RPGR: variants seen among roughly 807,000 people sequenced by gnomAD.
The protein encoded by RPGR is retinitis pigmentosa GTPase regulator.
A neutral mutation model predicts 56.3 loss-of-function variants in RPGR; 10 were observed. The ratio of observed to expected loss-of-function variants is 0.18; its 90% CI spans 0.11 to 0.30. RPGR has a LOEUF of 0.30. Among genes scored for constraint, RPGR ranks in the 10% least tolerant of loss-of-function variants. The pLI, the probability that RPGR is intolerant of heterozygous loss-of-function variation, is 1.00. For missense variants in RPGR, 538 were observed against 590.9 expected (o/e 0.91, Z 0.93); for synonymous variants, 197 against 212.9 (o/e 0.93, Z 0.65).
intron 13 of RPGR, among the ~76,000 whole-genome samples, 197 bp downstream of exon 13, chrX:38,290,762 C>T (rs985865248): frequency 9.0e-6 from 1 of 110,935 alleles, no homozygotes; most frequent in Non-Finnish European, 1.9e-5. Context: ...TAAAATGCTT[C>T]CACTCTTGTT....
At chrX:38,283,890 G>A (rs1427317171) in intron 15 of RPGR, among the ~76,000 whole-genome samples, 2 of 111,167 alleles carry the variant, frequency 1.8e-5, no homozygotes, top group Non-Finnish European at 1.9e-5. Flanking sequence ...AAATAATCAT[G>A]TTCGGCACAT....
chrX:38,278,443 G>T (rs1336587072), intron 15 of RPGR, among the ~76,000 whole-genome samples: 1 of 112,126 alleles, frequency 8.9e-6, no homozygotes, highest in Non-Finnish European at 1.9e-5. Flanking sequence ...GTTTCGCCAT[G>T]TTGGCCAGGC....
chrX:38,282,896 A>G (rs1204053990), intron 15 of RPGR, among the ~76,000 whole-genome samples: 1 of 111,091 alleles, frequency 9.0e-6, no homozygotes, highest in Non-Finnish European at 1.9e-5. Flanking sequence ...TGGATTCTAT[A>G]TATACTACTC....
intron 11 of RPGR, among the ~76,000 whole-genome samples, chrX:38,295,155 C>T (rs1021585339): frequency 2.7e-5 from 3 of 112,162 alleles, no homozygotes; most frequent in African/African-American, 9.7e-5. Context: ...CTTTCCCTCA[C>T]TTTCTAGCCC....
At chrX:38,315,801 C>T (rs2067811354) in intron 6 of RPGR, among the ~76,000 whole-genome samples, 1 of 100,126 alleles carries the variant, frequency 1.0e-5, no homozygotes, top group African/African-American at 3.8e-5. Flanking sequence ...AAAAACATCT[C>T]AGGTATTCCA....
chrX:38,319,763 C>A (rs1159753000), intron 4 of RPGR, among the ~76,000 whole-genome samples: 1 of 112,120 alleles, frequency 8.9e-6, no homozygotes, highest in Non-Finnish European at 1.9e-5. Context: ...ATAAAAAGTA[C>A]ATCATGCCTA....
At chrX:38,310,835 C>A in intron 6 of RPGR, 62 bp from the exon 7 acceptor site, 1 of 1,110,936 alleles carries the variant, frequency 9.0e-7, no homozygotes, top group Non-Finnish European at 1.2e-6. Context: ...GCTGGTCTTA[C>A]CGTCAAAAAA....
In RPGR at chrX:38,287,131, G is replaced by A. The variant is rs140467410; in HGVS notation, c.1868C>T (p.Thr623Ile). 5.0e-6 allele frequency: 6 copies of A among 1,208,446 alleles called. No homozygotes were observed. Among genetic ancestry groups the A allele is most frequent in the Non-Finnish European group, 6.7e-6 (6 of 894,966 alleles). The change falls in exon 15 of 19, where the codon ACA becomes ATA. Residue 623 changes from threonine (T) to isoleucine (I), a missense_variant. Thr to Ile is a moderately conservative substitution (Grantham distance 89, BLOSUM62 -1). This residue lies in a region of RPGR where 357 missense variants were observed against 325.8 expected (regional missense o/e 1.10). Transcript: ENST00000642395. ...TGTAAGGTCATCTGATAGGATCTCT[G>A]TTTTCTCCTTTCTTCCTCCATGCAC...
In RPGR at chrX:38,322,862, A is replaced by G; in HGVS notation, c.238T>C (p.Cys80Arg). 8.3e-7 allele frequency: 1 copy of G among 1,207,478 alleles called. No homozygotes were observed. The highest frequency in any genetic ancestry group is 1.1e-6 in the Non-Finnish European group (1 of 891,486). Residue 80 changes from cysteine to arginine, a missense_variant, in exon 3 of 19, where the codon TGT becomes CGT. By Grantham distance (180) the Cys-to-Arg change is radical (BLOSUM62 -3). Transcript: ENST00000642395. Reference sequence around the variant, plus strand: ...TAAAAAGATCCCAAACCTTTGACACATGTTGGCTTGCTGATGGCTGACTTT... The same window carrying G: ...TAAAAAGATCCCAAACCTTTGACACGTGTTGGCTTGCTGATGGCTGACTTT...
intron 15 of RPGR, among the ~76,000 whole-genome samples, chrX:38,279,545 C>T (rs1414966990): frequency 1.6e-4 from 7 of 43,199 alleles, no homozygotes; most frequent in Non-Finnish European, 2.5e-4. Context: ...GGGATGGGGG[C>T]TGGGGGGTGG....
At chrX:38,319,073 T>C in intron 4 of RPGR, 86 bp from the exon 5 acceptor site, 1 of 979,648 alleles carries the variant, frequency 1.0e-6, no homozygotes, top group South Asian at 2.0e-5. Context: ...TTTCCTCTAT[T>C]AACAGTGAAG....
At chrX:38,271,251 A>G (rs1309447475) in intron 18 of RPGR, among the ~76,000 whole-genome samples, 2 of 112,185 alleles carry the variant, frequency 1.8e-5, no homozygotes, top group African/African-American at 6.5e-5. Context: ...AAAAGGATCT[A>G]TGGATTAAAA....
intron 7 of RPGR, among the ~76,000 whole-genome samples, chrX:38,306,162 G>A (rs2067595925): frequency 8.9e-6 from 1 of 111,810 alleles, no homozygotes; most frequent in South Asian, 3.7e-4. Flanking sequence ...TGTACTTTGA[G>A]TTTAGTACAT....
intron 6 of RPGR, chrX:38,317,097 T>C: frequency 2.6e-6 from 1 of 386,869 alleles, no homozygotes. Context: ...GAGCTCTCTA[T>C]ATTCACCTAA....
intron 15 of RPGR, chrX:38,285,025 T>C: frequency 1.3e-6 from 1 of 749,080 alleles, no homozygotes; most frequent in Non-Finnish European, 1.6e-6. Context: ...ATACTTTCTT[T>C]AAAATGTGAA....
chrX:38,325,026 C>T (rs1003578879), intron 1 of RPGR, among the ~76,000 whole-genome samples: 2 of 106,246 alleles, frequency 1.9e-5, no homozygotes, highest in East Asian at 3.0e-4. Context: ...AAAAATTAGC[C>T]GGGCGTGGTG....
At position 38,305,174 on chromosome X, in the gene RPGR, G is replaced by A. The variant is rs1048248628; in HGVS notation, c.779-384C>T. ...CTCACACCTGTAATCCCAGCACTTT[G>A]GGAGGACGAGGCGGGTGGACTGCTT... On this transcript the variant is annotated intron_variant, in intron 7 of 18. Transcript: ENST00000642395. 8.1e-5 allele frequency among the ~76,000 whole-genome samples: 9 copies of A among 111,530 alleles called. No individual in the cohort carries two copies. In the East Asian group the frequency reaches 1.7e-3, roughly 21 times the overall value.
At chrX:38,326,339 G>T (rs761405271) in intron 1 of RPGR, among the ~76,000 whole-genome samples, 1 of 111,944 alleles carries the variant, frequency 8.9e-6, no homozygotes, top group Non-Finnish European at 1.9e-5. Flanking sequence ...TTTCAGTGAA[G>T]GTATGATTCT....
intron 6 of RPGR, among the ~76,000 whole-genome samples, chrX:38,316,525 TATAC>T (rs987581829): frequency 8.9e-6 from 1 of 112,137 alleles, no homozygotes; most frequent in African/African-American, 3.2e-5. Context: ...GAGTACAGAC[TATAC>T]CAACCCCAGG....
Sources: allele counts gnomAD v4.1 joint callset (sites outside exome capture counted in the v4.1 genomes callset), GRCh38; gene constraint gnomAD v4.1.1; regional missense constraint gnomAD v4.1.1; transcripts MANE v1.5; gene names NCBI Gene and HGNC (gene_info 2026-07-23, HGNC 2026-07-21).